COL8A1: variants seen among roughly 807,000 people sequenced by gnomAD.
COL8A1 encodes collagen type VIII alpha 1 chain.
Under a neutral mutation model 42.7 loss-of-function variants are expected in COL8A1, and 21 were observed. The observed-to-expected ratio is 0.49, with a 90% CI of 0.35 to 0.71. The LOEUF is 0.71. COL8A1 is among the 30% of genes least tolerant of loss of function. The pLI is 0.01. For missense variants in COL8A1, 788 were observed against 962.4 expected (o/e 0.82, Z 2.40); for synonymous variants, 367 against 369.1 (o/e 0.99, Z 0.06).
At chr3:99,737,300 T>C (rs1172276117) in intron 1 of COL8A1, among the ~76,000 whole-genome samples, 3 of 152,166 alleles carry the variant, frequency 2.0e-5, no homozygotes, top group Non-Finnish European at 4.4e-5. Flanking sequence ...TGCTCATTAG[T>C]TGATGCAGTT....
At chr3:99,736,308 T>C (rs1469423370) in intron 1 of COL8A1, among the ~76,000 whole-genome samples, 7 of 152,360 alleles carry the variant, frequency 4.6e-5, no homozygotes, top group Non-Finnish European at 8.8e-5. Context: ...AATTTCCCTC[T>C]ACACACTGCT....
At chr3:99,735,229 A>C (rs1214368314) in intron 1 of COL8A1, among the ~76,000 whole-genome samples, 1 of 141,484 alleles carries the variant, frequency 7.1e-6, no homozygotes, top group East Asian at 2.1e-4. Context: ...GTCTTGTGCC[A>C]GTTTTCAAAG....
chr3:99,779,679 C>A (rs1941758625), intron 2 of COL8A1, among the ~76,000 whole-genome samples: 1 of 152,208 alleles, frequency 6.6e-6, no homozygotes, highest in East Asian at 1.9e-4. Flanking sequence ...ATATTTGTTA[C>A]TCACTTATTA....
At position 99,795,264 on chromosome 3, in the gene COL8A1, C is replaced by T; in HGVS notation, c.1363C>T (p.Pro455Ser). Reference protein sequence around the residue: ...EVGPPGMRGLPGPIGPKGEAG... With the variant: ...EVGPPGMRGLSGPIGPKGEAG... ...AGGGCCTCCTGGCATGAGGGGTTTG[C>T]CAGGTCCCATAGGGCCCAAGGGGGA... The change falls in exon 4 of 4, where the codon CCA becomes TCA. Residue 455 changes from proline (P) to serine (S), a missense_variant. Physicochemically the swap from Pro to Ser is moderately conservative, Grantham distance 74. Around this residue, in one of 4 missense-constraint regions of COL8A1, gnomAD observed 154 missense variants for 182.3 expected, o/e 0.84. Transcript: ENST00000652472. The T allele has an allele frequency of 6.2e-7, 1 of 1,612,860 alleles. No homozygotes were observed. Among genetic ancestry groups the T allele is most frequent in the South Asian group, 1.1e-5 (1 of 90,924 alleles).
intron 1 of COL8A1, among the ~76,000 whole-genome samples, chr3:99,696,873 C>T (rs1403059845): frequency 6.6e-6 from 1 of 152,148 alleles, no homozygotes; most frequent in Admixed American, 6.5e-5. Context: ...ACTTTCACCA[C>T]CAACCTCTTA....
At chr3:99,734,868 C>A (rs530545904) in intron 1 of COL8A1, among the ~76,000 whole-genome samples, 1 of 152,110 alleles carries the variant, frequency 6.6e-6, no homozygotes, top group Non-Finnish European at 1.5e-5. Context: ...TCCTTCACAT[C>A]CCTTGTAAGT....
chr3:99,699,882 G>A (rs1034900940), intron 1 of COL8A1, among the ~76,000 whole-genome samples: 2 of 152,068 alleles, frequency 1.3e-5, no homozygotes, highest in African/African-American at 4.8e-5. Context: ...TTTAAGTACA[G>A]ATCAAGCAGT....
At chr3:99,785,114 GTCTC>G (rs1266161472) in intron 2 of COL8A1, among the ~76,000 whole-genome samples, 2 of 152,128 alleles carry the variant, frequency 1.3e-5, no homozygotes, top group Non-Finnish European at 2.9e-5. Flanking sequence ...AGAAAGGTAA[GTCTC>G]TCTAAAAGTT....
At chr3:99,730,702 G>A (rs1454792964) in intron 1 of COL8A1, among the ~76,000 whole-genome samples, 2 of 152,138 alleles carry the variant, frequency 1.3e-5, no homozygotes, top group African/African-American at 2.4e-5. Context: ...AAATATTGGT[G>A]AGAAGTGAAC....
chr3:99,682,959 G>A (rs1353142428), intron 1 of COL8A1, among the ~76,000 whole-genome samples: 7 of 152,296 alleles, frequency 4.6e-5, no homozygotes, highest in South Asian at 2.1e-4. Flanking sequence ...AATATGCCAC[G>A]AAGTGTAGAA....
intron 1 of COL8A1, among the ~76,000 whole-genome samples, chr3:99,639,435 T>C (rs923665625): frequency 1.3e-5 from 2 of 152,230 alleles, no homozygotes; most frequent in South Asian, 2.1e-4. Flanking sequence ...GGCCAGATTA[T>C]ACAATACTTC....
intron 1 of COL8A1, among the ~76,000 whole-genome samples, chr3:99,647,838 T>A (rs887732315): frequency 5.9e-5 from 9 of 152,228 alleles, no homozygotes; most frequent in African/African-American, 2.2e-4. Context: ...GAGGAATTAC[T>A]TAGTTTATCT....
chr3:99,777,093 T>A (rs1941708119), intron 2 of COL8A1, among the ~76,000 whole-genome samples: 1 of 152,196 alleles, frequency 6.6e-6, no homozygotes, highest in Admixed American at 6.5e-5. Context: ...TCCTATCTCA[T>A]CCTGTGACTA....
intron 2 of COL8A1, among the ~76,000 whole-genome samples, chr3:99,787,876 C>CACACACACA (rs781535067): frequency 2.1e-5 from 1 of 46,550 alleles, no homozygotes; most frequent in African/African-American, 1.2e-4. Context: ...ACACACACAC[C>CACACACACA]CACACCCACA....
intron 1 of COL8A1, among the ~76,000 whole-genome samples, chr3:99,729,979 T>A (rs1015756650): frequency 1.3e-5 from 2 of 152,144 alleles, no homozygotes; most frequent in African/African-American, 4.8e-5. Context: ...ACATTTGTCA[T>A]GCTCCAGACA....
chr3:99,731,156 A>C (rs1340930051), intron 1 of COL8A1, among the ~76,000 whole-genome samples: 1 of 152,138 alleles, frequency 6.6e-6, no homozygotes, highest in Non-Finnish European at 1.5e-5. Context: ...ACTGAAAATA[A>C]ACAAAATGTA....
At chr3:99,774,446 T>G (rs1467917894) in intron 2 of COL8A1, among the ~76,000 whole-genome samples, 2 of 152,144 alleles carry the variant, frequency 1.3e-5, no homozygotes, top group Non-Finnish European at 2.9e-5. Flanking sequence ...TGCATTCTTT[T>G]GCAAGTCTTG....
At chr3:99,692,266 C>CAAAT (rs1374340935) in intron 1 of COL8A1, among the ~76,000 whole-genome samples, 3 of 152,204 alleles carry the variant, frequency 2.0e-5, no homozygotes, top group Non-Finnish European at 4.4e-5. Context: ...CAGCAACCTG[C>CAAAT]ATTTACCTTG....
intron 1 of COL8A1, among the ~76,000 whole-genome samples, chr3:99,723,297 GA>G (rs1940207989): frequency 6.6e-6 from 1 of 152,030 alleles, no homozygotes; most frequent in Non-Finnish European, 1.5e-5. Flanking sequence ...GTACTTAAAA[GA>G]AGAGAGATAC....
Sources: allele counts gnomAD v4.1 joint callset (sites outside exome capture counted in the v4.1 genomes callset), GRCh38; gene constraint gnomAD v4.1.1; regional missense constraint gnomAD v4.1.1; transcripts MANE v1.5; gene names NCBI Gene and HGNC (gene_info 2026-07-23, HGNC 2026-07-21).